Variants in STUM observed in about 807,000 individuals in gnomAD.
The protein encoded by STUM is protein stum homolog.
Under a neutral mutation model 15.3 loss-of-function variants are expected in STUM, and 8 were observed. That is an observed-to-expected ratio of 0.52 (90% CI 0.31 to 0.94). The LOEUF (loss-of-function observed/expected upper bound fraction) is 0.94. STUM is among the 40% of genes least tolerant of loss of function. STUM has a pLI of 0.05. For missense variants in STUM, 142 were observed against 204.9 expected, an observed-to-expected ratio of 0.69 and a Z score of 1.87; for synonymous variants, 78 against 88.7, an observed-to-expected ratio of 0.88 and a Z score of 0.68.
At position 226,567,769 on chromosome 1, in the gene STUM, C is replaced by T. The variant is rs923638354; in HGVS notation, c.202+18663C>T. On this transcript the variant is annotated intron_variant, in intron 1 of 3. Coordinates refer to ENST00000366788, the MANE Select transcript of STUM (RefSeq NM_001003665.4). The surrounding 1 kb of genome is among the most constrained non-coding windows in gnomAD (Gnocchi z 4.5). The stretch of plus-strand genomic sequence containing the variant: ...CGAGGGGTCTCTAGTGAGCAGGTCA[C>T]GCATTTGGCACCAGATGCTGCCTAA... Among the ~76,000 whole-genome samples the T allele has an allele frequency of 2.0e-5, 3 of 152,178 alleles. No homozygotes were observed. The highest frequency in any genetic ancestry group is 6.5e-5 in the Admixed American group (1 of 15,282).
At position 226,549,378 on chromosome 1, in the gene STUM, G is replaced by A. The variant is rs1348498854; in HGVS notation, c.202+272G>A. On this transcript the variant is annotated intron_variant, in intron 1 of 3. Transcript: ENST00000366788. The surrounding 1 kb of genome is among the most constrained non-coding windows in gnomAD (Gnocchi z 6.8). ...GCGGCCAATGTTGGAGCCCGCAGCG[G>A]CGGCCGGAATGGCTCTGCCGGCTTC... Among the ~76,000 whole-genome samples the A allele has an allele frequency of 1.3e-5, 2 of 152,228 alleles. No homozygotes were observed. The highest frequency in any genetic ancestry group is 1.5e-5 in the Non-Finnish European group (1 of 68,034).
intron 1 of STUM, among the ~76,000 whole-genome samples, chr1:226,586,878 T>G (rs928611589): frequency 1.3e-5 from 2 of 152,176 alleles, no homozygotes; most frequent in Non-Finnish European, 2.9e-5. Context: ...CAAGGGCCAC[T>G]GCATTGTCCT....
intron 1 of STUM, among the ~76,000 whole-genome samples, chr1:226,584,447 G>A (rs1368736219): frequency 6.6e-6 from 1 of 152,216 alleles, no homozygotes; most frequent in Non-Finnish European, 1.5e-5. Flanking sequence ...GAAAGTATAT[G>A]GGCCCATCTC....
chr1:226,561,013 A>G (rs1667533183), intron 1 of STUM, among the ~76,000 whole-genome samples: 1 of 151,984 alleles, frequency 6.6e-6, no homozygotes, highest in Non-Finnish European at 1.5e-5. Flanking sequence ...TTCCTCCATC[A>G]TCACTGTCTA....
In STUM at chr1:226,548,948, C is replaced by CGGCGGT. The variant is rs1425026009; in HGVS notation, c.50_55dup (p.Val17_Ala18dup). The CGGCGGT allele has an allele frequency of 4.8e-6, 7 of 1,456,940 alleles. No individual in the cohort carries two copies. The highest frequency in any genetic ancestry group is 3.0e-5 in the African/African-American group (2 of 66,848). The allele number at this position is 1,456,940 out of a possible 1,614,324, so 90.3% of individuals were successfully genotyped here. A position where few individuals can be genotyped will look rare whatever the true frequency, so the allele number is the denominator to read the frequency against. On this transcript the variant is annotated inframe_insertion, in exon 1 of 4. Transcript: ENST00000366788. ...GACGCCGAGACGGCGGCGGCGGCGG[C>CGGCGGT]GGCGGTGGCGGCGGCGGACCCCCGG... is the stretch of plus-strand genomic sequence containing the variant.
At chr1:226,596,079 G>A (rs1238279358) in intron 1 of STUM, among the ~76,000 whole-genome samples, 1 of 152,140 alleles carries the variant, frequency 6.6e-6, no homozygotes, top group African/African-American at 2.4e-5. Flanking sequence ...TTACCCATAG[G>A]GGCTGAGTCT....
chr1:226,556,756 T>C (rs1667452575), intron 1 of STUM, among the ~76,000 whole-genome samples: 2 of 152,216 alleles, frequency 1.3e-5, no homozygotes, highest in African/African-American at 4.8e-5. Flanking sequence ...GACAAAGTCA[T>C]GATGCCCTGT....
intron 1 of STUM, among the ~76,000 whole-genome samples, chr1:226,577,823 T>C (rs2102699402): frequency 6.6e-6 from 1 of 152,118 alleles, no homozygotes; most frequent in African/African-American, 2.4e-5. Context: ...GGATGGTTGT[T>C]CTATGGGATG....
chr1:226,581,991 G>A (rs530767651), intron 1 of STUM, among the ~76,000 whole-genome samples: 1 of 152,174 alleles, frequency 6.6e-6, no homozygotes, highest in South Asian at 2.1e-4. Flanking sequence ...GCAGCCTTCT[G>A]CCCTGCCCCT....
At chr1:226,559,680 G>A (rs1343814007) in intron 1 of STUM, among the ~76,000 whole-genome samples, 1 of 152,190 alleles carries the variant, frequency 6.6e-6, no homozygotes, top group Admixed American at 6.5e-5. Context: ...CTCTTTCAAA[G>A]TGTATGATTC....
chr1:226,583,488 T>C (rs999000090), intron 1 of STUM, among the ~76,000 whole-genome samples: 6 of 152,216 alleles, frequency 3.9e-5, no homozygotes, highest in African/African-American at 1.2e-4. Flanking sequence ...GCTGGGAAGG[T>C]ACTTTTTGCT....
At chr1:226,586,692 C>A (rs1184123270) in intron 1 of STUM, among the ~76,000 whole-genome samples, 1 of 152,188 alleles carries the variant, frequency 6.6e-6, no homozygotes, top group Non-Finnish European at 1.5e-5. Flanking sequence ...TTTTTAATCT[C>A]CGTGTCTACC....
chr1:226,563,064 G>C (rs1264010465), intron 1 of STUM, among the ~76,000 whole-genome samples: 3 of 152,210 alleles, frequency 2.0e-5, no homozygotes, highest in Non-Finnish European at 4.4e-5. Flanking sequence ...GGAGTGAAAT[G>C]TTAAAAGTTG....
intron 1 of STUM, among the ~76,000 whole-genome samples, chr1:226,573,767 C>T (rs1393142186): frequency 6.6e-6 from 1 of 151,840 alleles, no homozygotes; most frequent in African/African-American, 2.4e-5. Context: ...CACATAGTTA[C>T]GTTTTTGTGT....
intron 1 of STUM, among the ~76,000 whole-genome samples, chr1:226,589,138 T>G (rs1668044641): frequency 6.6e-6 from 1 of 152,150 alleles, no homozygotes; most frequent in African/African-American, 2.4e-5. Context: ...CCCACTGAGT[T>G]CCAAGAGGCT....
At chr1:226,569,101 C>T (rs969542173) in intron 1 of STUM, among the ~76,000 whole-genome samples, 1 of 151,642 alleles carries the variant, frequency 6.6e-6, no homozygotes, top group Admixed American at 6.6e-5. Context: ...CTGGATCCAA[C>T]GGTATCACAT....
rs1667392196 is a variant in STUM, at chr1:226,552,804, G to C, written c.202+3698G>C. 6.6e-6 allele frequency among the ~76,000 whole-genome samples: 1 copy of C among 152,058 alleles called. No individual in the cohort carries two copies. Among genetic ancestry groups the C allele is most frequent in the Non-Finnish European group, 1.5e-5 (1 of 68,012 alleles). Reference sequence around the variant, plus strand: ...ATGATTAATCATGTCCTACCTCCTGGCATCTTTTGTATCATAGATTTTTTG... The same window carrying C: ...ATGATTAATCATGTCCTACCTCCTGCCATCTTTTGTATCATAGATTTTTTG... On this transcript the variant is annotated intron_variant, in intron 1 of 3. Transcript: ENST00000366788. This position sits in a 1 kb window ranked among gnomAD's most constrained non-coding sequence, Gnocchi z 4.7.
chr1:226,565,009 C>A lies in STUM; in HGVS notation c.202+15903C>A, dbSNP rs905867750. ...TATCCTGCTCTGGACCCGAGGAGGC[C>A]GACCTCTACGGCCTGCATCACCAGT... On this transcript the variant is annotated intron_variant, in intron 1 of 3. Coordinates refer to ENST00000366788, the MANE Select transcript of STUM (RefSeq NM_001003665.4). The surrounding 1 kb of genome is among the most constrained non-coding windows in gnomAD (Gnocchi z 4.4). 6.6e-6 allele frequency among the ~76,000 whole-genome samples: 1 copy of A among 152,152 alleles called. No homozygotes were observed. The highest frequency in any genetic ancestry group is 6.5e-5 in the Admixed American group (1 of 15,284).
At position 226,568,546 on chromosome 1, in the gene STUM, A is replaced by T. The variant is rs565029548; in HGVS notation, c.202+19440A>T. Among the ~76,000 whole-genome samples the T allele has an allele frequency of 2.4e-4, 36 of 152,340 alleles. No homozygotes were observed. The East Asian group carries it at 4.2e-3, about 18-fold the overall frequency. On this transcript the variant is annotated intron_variant, in intron 1 of 3. Coordinates refer to ENST00000366788, the MANE Select transcript of STUM (RefSeq NM_001003665.4). Reference sequence around the variant, plus strand: ...CCTTCAACACACATTTAATTTTTTTAAAAAAGTTTAAAGCATCAGTAGCAG... The same window carrying T: ...CCTTCAACACACATTTAATTTTTTTTAAAAAGTTTAAAGCATCAGTAGCAG...
Sources: allele counts gnomAD v4.1 joint callset (sites outside exome capture counted in the v4.1 genomes callset), GRCh38; gene constraint gnomAD v4.1.1; non-coding constraint Gnocchi (gnomAD v3.1); transcripts MANE v1.5; gene names NCBI Gene and HGNC (gene_info 2026-07-23, HGNC 2026-07-21).